The following CWH43 variants were observed in gnomAD, a reference collection of about 807,000 sequenced individuals.
CWH43 encodes cell wall biogenesis 43 C-terminal homolog, also known as PGAP2-interacting protein.
A neutral mutation model predicts 85.7 loss-of-function variants in CWH43; 91 were observed. The ratio of observed to expected loss-of-function variants is 1.06; its 90% CI spans 0.90 to 1.26. CWH43 has a LOEUF of 1.26. Among genes scored for constraint, CWH43 ranks in the 50% most tolerant of loss-of-function variants. The probability of loss-of-function intolerance (pLI) is 0.00; values close to 1 mark genes in which losing one functional copy is unlikely to be tolerated. For synonymous variants in CWH43, 323 were observed against 293.6 expected, an observed-to-expected ratio of 1.10 and a Z score of -1.02; for missense variants, 869 against 839.2, an observed-to-expected ratio of 1.04 and a Z score of -0.44.
At chr4:49,039,306 G>GATATATATATATAT (rs71600797) in intron 13 of CWH43, among the ~76,000 whole-genome samples, 78 of 4,600 alleles carry the variant, frequency 0.017, 14 homozygotes, top group East Asian at 0.054. Context: ...TCAGGAGACT[G>GATATATATATATAT]ATATATATAT....
chr4:49,006,132 T>C (rs1783149080), intron 7 of CWH43, among the ~76,000 whole-genome samples: 1 of 152,212 alleles, frequency 6.6e-6, no homozygotes, highest in South Asian at 2.1e-4. Context: ...TTTGTTTTCT[T>C]GTCCAATGCC....
chr4:49,010,427 C>T (rs1337023694), intron 8 of CWH43, among the ~76,000 whole-genome samples: 1 of 152,118 alleles, frequency 6.6e-6, no homozygotes, highest in African/African-American at 2.4e-5. Context: ...AAAAAACCAC[C>T]TCCTGGATTC....
chr4:49,025,719 T>C (rs1664802417), intron 9 of CWH43, among the ~76,000 whole-genome samples: 1 of 152,216 alleles, frequency 6.6e-6, no homozygotes, highest in African/African-American at 2.4e-5. Flanking sequence ...TCAAATCTCT[T>C]GGCCATGGAT....
At chr4:49,058,943 C>A (rs1785053239) in intron 15 of CWH43, among the ~76,000 whole-genome samples, 1 of 152,126 alleles carries the variant, frequency 6.6e-6, no homozygotes, top group African/African-American at 2.4e-5. Context: ...GTCTTGGTAG[C>A]ACTCTCTTTA....
At chr4:49,011,021 T>C (rs1377033075) in intron 8 of CWH43, among the ~76,000 whole-genome samples, 3 of 152,198 alleles carry the variant, frequency 2.0e-5, no homozygotes, top group Admixed American at 2.0e-4. Flanking sequence ...GTTCAAGTCC[T>C]GGATATCCTT....
chr4:49,013,515 T>C (rs1237769614), intron 8 of CWH43, among the ~76,000 whole-genome samples: 1 of 152,208 alleles, frequency 6.6e-6, no homozygotes, highest in Non-Finnish European at 1.5e-5. Context: ...TGCAACCAGT[T>C]CCAATGAGAT....
intron 9 of CWH43, 63 bp downstream of exon 9, chr4:49,017,391 C>T (rs1367252005): frequency 2.5e-6 from 3 of 1,201,148 alleles, no homozygotes; most frequent in Non-Finnish European, 2.4e-6. Flanking sequence ...TATATTTGTA[C>T]AATTTACCAT....
At chr4:49,042,912 T>C (rs142514709) in intron 13 of CWH43, among the ~76,000 whole-genome samples, 1 of 152,280 alleles carries the variant, frequency 6.6e-6, no homozygotes, top group East Asian at 1.9e-4. Context: ...ATTCTTTGGG[T>C]TGACTGGGTG....
intron 3 of CWH43, 76 bp from the exon 4 acceptor site, chr4:48,991,860 T>C: frequency 7.7e-7 from 1 of 1,296,182 alleles, no homozygotes; most frequent in South Asian, 1.4e-5. Flanking sequence ...ACTTATTCTA[T>C]GAAACTGAAA....
chr4:49,023,375 T>A (rs1210073731), intron 9 of CWH43, among the ~76,000 whole-genome samples: 1 of 152,146 alleles, frequency 6.6e-6, no homozygotes, highest in South Asian at 2.1e-4. Flanking sequence ...GATTTCCAAT[T>A]TTTATTTTTA....
At chr4:49,055,222 T>C (rs766605722) in intron 15 of CWH43, among the ~76,000 whole-genome samples, 10 of 152,218 alleles carry the variant, frequency 6.6e-5, no homozygotes, top group Non-Finnish European at 1.3e-4. Flanking sequence ...TGAAAAGATG[T>C]TGAATTTTTC....
intron 8 of CWH43, among the ~76,000 whole-genome samples, chr4:49,013,506 G>A (rs1184056531): frequency 1.3e-5 from 2 of 152,226 alleles, no homozygotes; most frequent in East Asian, 1.9e-4. Context: ...TGCCCACTGT[G>A]CAACCAGTTC....
At chr4:48,986,638 G>T in intron 1 of CWH43, 166 bp downstream of exon 1, 1 of 1,419,054 alleles carries the variant, frequency 7.0e-7, no homozygotes, top group Non-Finnish European at 9.2e-7. Flanking sequence ...CTACTGAAGG[G>T]AATAAAGGAA....
At chr4:49,028,494 T>C (rs1239606109) in intron 9 of CWH43, 135 bp from the exon 10 acceptor site, 2 of 594,542 alleles carry the variant, frequency 3.4e-6, no homozygotes, top group Admixed American at 6.3e-5. Flanking sequence ...TTTTCATGGA[T>C]TAAATGTGGG....
chr4:49,013,336 A>C (rs1400658598), intron 8 of CWH43, among the ~76,000 whole-genome samples: 2 of 152,256 alleles, frequency 1.3e-5, no homozygotes, highest in Non-Finnish European at 2.9e-5. Flanking sequence ...CCGGTTGCTA[A>C]GACCATGGGA....
chr4:49,049,610 TC>T (rs1348880954), intron 14 of CWH43, among the ~76,000 whole-genome samples: 2 of 151,972 alleles, frequency 1.3e-5, no homozygotes, highest in East Asian at 3.9e-4. Context: ...CTTTGCATGT[TC>T]CCTCTTATGC....
chr4:49,032,845 T>A, intron 12 of CWH43, 130 bp downstream of exon 12: 1 of 1,176,798 alleles, frequency 8.5e-7, no homozygotes, highest in Admixed American at 2.3e-5. Context: ...CTCCCTGCGT[T>A]GCTGGTTTTA....
intron 8 of CWH43, among the ~76,000 whole-genome samples, chr4:49,007,530 G>T (rs1783199313): frequency 6.6e-6 from 1 of 152,038 alleles, no homozygotes; most frequent in Non-Finnish European, 1.5e-5. Flanking sequence ...CAACGTGCAG[G>T]TTTGTTACAT....
intron 13 of CWH43, among the ~76,000 whole-genome samples, chr4:49,041,183 T>C (rs542651715): frequency 1.3e-5 from 2 of 152,128 alleles, no homozygotes; most frequent in African/African-American, 4.8e-5. Flanking sequence ...AGCATGATGC[T>C]TCCAGCTTTG....
Sources: allele counts gnomAD v4.1 joint callset (sites outside exome capture counted in the v4.1 genomes callset), GRCh38; gene constraint gnomAD v4.1.1; transcripts MANE v1.5; gene names NCBI Gene and HGNC (gene_info 2026-07-23, HGNC 2026-07-21).